Variants in KCNAB1 observed in about 807,000 individuals in gnomAD.
KCNAB1 encodes the protein potassium voltage-gated channel subfamily A regulatory beta subunit 1.
Under a neutral mutation model 64.6 loss-of-function variants are expected in KCNAB1, and 35 were observed. The observed-to-expected ratio is 0.54, with a 90% CI of 0.41 to 0.72. The LOEUF (loss-of-function observed/expected upper bound fraction) is 0.72. KCNAB1 is among the 30% of genes least tolerant of loss of function. KCNAB1 has a pLI of 0.00. For missense variants in KCNAB1, 401 were observed against 512.9 expected (o/e 0.78, Z 2.11); for synonymous variants, 177 against 183.8 (o/e 0.96, Z 0.30).
intron 1 of KCNAB1, among the ~76,000 whole-genome samples, chr3:156,324,251 T>C (rs542358323): frequency 6.6e-6 from 1 of 152,294 alleles, no homozygotes; most frequent in Non-Finnish European, 1.5e-5. Context: ...ATAATTCAAG[T>C]TCATCCTGTC....
At chr3:156,538,728 TTGGCAGCTAA>T (rs1334375320), downstream of KCNAB1, 1 of 152,248 alleles carries the variant, frequency 6.6e-6, no homozygotes, top group Non-Finnish European at 1.5e-5. Context: ...AAAAATTATA[TTGGCAGCTAA>T]GCTGCACTGA....
chr3:156,456,273 TA>T (rs3836231), intron 3 of KCNAB1, among the ~76,000 whole-genome samples: 3,801 of 152,170 alleles, frequency 0.025, 139 homozygotes, highest in East Asian at 0.093. Flanking sequence ...CATCTTATCT[TA>T]AAAAAACTCT....
rs115237619 is a variant in KCNAB1 at position 156,250,086 on chromosome 3, T to C, written c.275+129200T>C. ...AGGATGCGGGCTCTGGGAGATCTTT[T>C]TCTAAATTGGAGGTTTTATAGCATC... On this transcript the variant is annotated intron_variant, in intron 1 of 13. Coordinates refer to ENST00000490337, the MANE Select transcript of KCNAB1 (RefSeq NM_172160.3). Among the ~76,000 whole-genome samples, 635 of 152,298 alleles carry C rather than the reference T, an allele frequency of 4.2e-3. 3 individuals are homozygous for C. Among genetic ancestry groups the C allele is most frequent in the African/African-American group, 0.015 (611 of 41,560 alleles).
intron 2 of KCNAB1, among the ~76,000 whole-genome samples, chr3:156,434,206 A>T (rs1437126150): frequency 6.6e-6 from 1 of 152,090 alleles, no homozygotes; most frequent in Non-Finnish European, 1.5e-5. Context: ...AAAACATTTA[A>T]CTCCAGGAGT....
At chr3:156,492,665 G>A (rs1715714871) in intron 8 of KCNAB1, among the ~76,000 whole-genome samples, 1 of 152,038 alleles carries the variant, frequency 6.6e-6, no homozygotes, top group Non-Finnish European at 1.5e-5. Flanking sequence ...GAAATAAAAT[G>A]TTTAAGCCAC....
intron 8 of KCNAB1, among the ~76,000 whole-genome samples, chr3:156,510,215 C>T (rs924185558): frequency 9.2e-5 from 14 of 152,218 alleles, no homozygotes; most frequent in Admixed American, 9.2e-4. Flanking sequence ...TGGAGTGCCT[C>T]GCAGAGGCTC....
intron 1 of KCNAB1, among the ~76,000 whole-genome samples, chr3:156,154,384 G>C (rs990348891): frequency 6.6e-6 from 1 of 151,914 alleles, no homozygotes; most frequent in Non-Finnish European, 1.5e-5. Context: ...TCCTCATTTC[G>C]CCTTTCCATC....
chr3:156,410,139 G>A (rs1576830769), intron 1 of KCNAB1, among the ~76,000 whole-genome samples: 2 of 152,312 alleles, frequency 1.3e-5, no homozygotes, highest in East Asian at 1.9e-4. Context: ...GGCTTCAAGA[G>A]ATCTTCAGTT....
At chr3:156,481,256 C>T (rs1007545678) in intron 8 of KCNAB1, among the ~76,000 whole-genome samples, 1 of 151,946 alleles carries the variant, frequency 6.6e-6, no homozygotes, top group African/African-American at 2.4e-5. Context: ...TAATGCATTT[C>T]ATTTATTACC....
intron 8 of KCNAB1, among the ~76,000 whole-genome samples, chr3:156,477,748 G>A (rs1306534295): frequency 6.6e-6 from 1 of 152,096 alleles, no homozygotes; most frequent in Non-Finnish European, 1.5e-5. Context: ...CTACTTTACT[G>A]TACCGGGGGA....
rs546210521 is a variant in KCNAB1, at chr3:156,520,145, G to A, written c.961-3682G>A. 8.5e-5 allele frequency among the ~76,000 whole-genome samples: 13 copies of A among 152,290 alleles called. 1 individual carries two copies. The South Asian group carries it at 1.7e-3, about 19-fold the overall frequency. On this transcript the variant is annotated intron_variant, in intron 11 of 13. Coordinates refer to ENST00000490337, the MANE Select transcript of KCNAB1 (RefSeq NM_172160.3). ...TGATGAGTACGTAAGAGGTACATAAGTCTTTGTTAAATTAATTTGATGAGC... is the reference window on the plus strand; with the variant it reads ...TGATGAGTACGTAAGAGGTACATAAATCTTTGTTAAATTAATTTGATGAGC...
intron 1 of KCNAB1, among the ~76,000 whole-genome samples, chr3:156,281,681 G>C (rs576533362): frequency 0.012 from 1,778 of 151,628 alleles, 17 homozygotes; most frequent in Non-Finnish European, 0.018. Context: ...ACTTCTTCCT[G>C]GTTTAGTCTT....
chr3:156,292,242 A>G (rs1285124695), intron 1 of KCNAB1: 1 of 1,201,260 alleles, frequency 8.3e-7, no homozygotes, highest in Non-Finnish European at 1.2e-6. Context: ...CTCACTTTAG[A>G]ATTCTCAGGT....
chr3:156,122,420 C>A (rs1455122779), intron 1 of KCNAB1, among the ~76,000 whole-genome samples: 1 of 152,194 alleles, frequency 6.6e-6, no homozygotes, highest in African/African-American at 2.4e-5. Flanking sequence ...CCACAGAATT[C>A]TTCATTATCT....
At chr3:156,162,049 AG>A (rs1168410024) in intron 1 of KCNAB1, among the ~76,000 whole-genome samples, 1 of 152,228 alleles carries the variant, frequency 6.6e-6, no homozygotes, top group African/African-American at 2.4e-5. Context: ...TGATATTGAA[AG>A]CATTCTAAGA....
intron 1 of KCNAB1, among the ~76,000 whole-genome samples, chr3:156,268,174 A>G (rs112353431): frequency 0.02 from 3,017 of 152,212 alleles, 52 homozygotes; most frequent in Non-Finnish European, 0.03. Context: ...ACTTAACATA[A>G]TGACCTCCTT....
chr3:156,527,774 G>A lies in KCNAB1; in HGVS notation c.1082-3635G>A, dbSNP rs181725655. Among the ~76,000 whole-genome samples, 199 of 152,244 alleles carry A rather than the reference G, an allele frequency of 1.3e-3. 2 individuals carry two copies. Among genetic ancestry groups the A allele is most frequent in the African/African-American group, 4.4e-3 (184 of 41,552 alleles). ...CAAAAGGGAAATTATTTCCAGGCAC[G>A]TTATCTTTGATCTGCTAGGAGAGTG... On this transcript the variant is annotated intron_variant, in intron 12 of 13. Transcript: ENST00000490337.
intron 1 of KCNAB1, among the ~76,000 whole-genome samples, chr3:156,222,694 C>T (rs1028324750): frequency 6.6e-6 from 1 of 152,220 alleles, no homozygotes; most frequent in African/African-American, 2.4e-5. Context: ...AAACAAGTCT[C>T]AGCAAATTTA....
chr3:156,291,723 G>A, intron 1 of KCNAB1: 1 of 1,438,136 alleles, frequency 7.0e-7, no homozygotes, highest in South Asian at 1.5e-5. Flanking sequence ...CTGCATCGCA[G>A]CCCCTTGTGC....
Sources: gnomAD v4.1 joint callset for allele counts (sites outside exome capture counted in the v4.1 genomes callset) on GRCh38, gnomAD v4.1.1 for gene constraint, MANE v1.5 for transcripts, NCBI Gene and HGNC (gene_info 2026-07-23, HGNC 2026-07-21) for gene names.